FEZ1: variants seen among roughly 807,000 people sequenced by gnomAD.
The protein encoded by FEZ1 is fasciculation and elongation protein zeta 1.
FEZ1 carries 20 observed loss-of-function variants against 49.3 expected under a neutral mutation model. That is an observed-to-expected ratio of 0.41 (90% confidence interval 0.29 to 0.59). FEZ1 has a LOEUF of 0.59. FEZ1 is among the 20% of genes least tolerant of loss of function. The pLI is 0.36. For synonymous variants in FEZ1, 170 were observed against 180.9 expected, an observed-to-expected ratio of 0.94 and a Z score of 0.48; for missense variants, 413 against 476.0, an observed-to-expected ratio of 0.87 and a Z score of 1.23.
At chr11:125,476,738 C>T (rs998640911) in intron 3 of FEZ1, among the ~76,000 whole-genome samples, 2 of 152,146 alleles carry the variant, frequency 1.3e-5, no homozygotes, top group African/African-American at 4.8e-5. Flanking sequence ...GGTTTCTCAA[C>T]ACGACCTAAT....
In FEZ1 at chr11:125,495,771, C is replaced by T. The variant is rs1957459444; in HGVS notation, c.-46+350G>A. 5.6e-6 allele frequency: 2 copies of T among 355,724 alleles called. No homozygotes were observed. Among genetic ancestry groups the T allele is most frequent in the Admixed American group, 3.8e-5 (1 of 26,386 alleles). 22.0% of individuals were successfully genotyped at this position (355,724 alleles called of 1,614,324 possible). A position where few individuals can be genotyped will look rare whatever the true frequency, so the allele number is the denominator to read the frequency against. Reference sequence around the variant, plus strand: ...TACCTCGCCGCCCTGCCTTCACACGCGCGCACACACGCGGGCACACACACG... The same window carrying T: ...TACCTCGCCGCCCTGCCTTCACACGTGCGCACACACGCGGGCACACACACG... On this transcript the variant is annotated intron_variant, in intron 1 of 9. Coordinates refer to ENST00000278919, the MANE Select transcript of FEZ1 (RefSeq NM_005103.5). The surrounding 1 kb of genome is among the most constrained non-coding windows in gnomAD (Gnocchi z 4.2).
At chr11:125,481,861 TGAGGGAAGAGG>T in intron 2 of FEZ1, 2 of 534,670 alleles carry the variant, frequency 3.7e-6, no homozygotes, top group Non-Finnish European at 6.7e-6. Context: ...GGTGTTTGCT[TGAGGGAAGAGG>T]AATTTCCTAC....
At chr11:125,473,213 A>G (rs1957198682) in intron 3 of FEZ1, among the ~76,000 whole-genome samples, 1 of 152,262 alleles carries the variant, frequency 6.6e-6, no homozygotes, top group African/African-American at 2.4e-5. Context: ...TATCATTGAA[A>G]CAGAAAAAAG....
intron 1 of FEZ1, among the ~76,000 whole-genome samples, chr11:125,490,686 G>C (rs1346887593): frequency 2.6e-5 from 4 of 151,962 alleles, no homozygotes; most frequent in Non-Finnish European, 1.5e-5. Flanking sequence ...ACATAGTAAG[G>C]TCCCATCTCT....
intron 9 of FEZ1, among the ~76,000 whole-genome samples, chr11:125,447,106 T>C (rs1956905878): frequency 6.6e-6 from 1 of 152,088 alleles, no homozygotes; most frequent in South Asian, 2.1e-4. Flanking sequence ...ACTATTAACA[T>C]CACAAAAGGA....
At chr11:125,465,947 G>A (rs1293124525) in intron 3 of FEZ1, among the ~76,000 whole-genome samples, 1 of 152,156 alleles carries the variant, frequency 6.6e-6, no homozygotes, top group Non-Finnish European at 1.5e-5. Context: ...TCCTTGACCA[G>A]GACAGTATCT....
chr11:125,481,536 C>T lies in FEZ1; in HGVS notation c.409G>A (p.Glu137Lys). 1 of 1,598,776 alleles carries T rather than the reference C, an allele frequency of 6.3e-7. No homozygotes were observed. The highest frequency in any genetic ancestry group is 1.1e-5 in the South Asian group (1 of 90,804). The part of the protein sequence containing the change: ...EALNGNCSDT[E>K]IHEKEEEEFN... ...AACCAGGGGCCCCGGAGAGGTACCTCAGTGTCAGAGCAGTTGCCATTCAGA... is the reference window on the plus strand; with the variant it reads ...AACCAGGGGCCCCGGAGAGGTACCTTAGTGTCAGAGCAGTTGCCATTCAGA... The change falls in exon 3 of 10, where the codon GAG (glutamate) becomes AAG (lysine). Residue 137 changes from glutamate (E) to lysine (K), a missense_variant and splice_region_variant. Physicochemically the swap from Glu to Lys is moderately conservative, Grantham distance 56. Transcript: ENST00000278919.
chr11:125,450,179 C>T (rs1956941737), intron 8 of FEZ1, among the ~76,000 whole-genome samples: 1 of 152,084 alleles, frequency 6.6e-6, no homozygotes, highest in East Asian at 1.9e-4. Flanking sequence ...AGGCGTGCAC[C>T]ACCACATCTG....
chr11:125,491,051 G>C (rs1199478488), intron 1 of FEZ1, among the ~76,000 whole-genome samples: 1 of 152,168 alleles, frequency 6.6e-6, no homozygotes, highest in African/African-American at 2.4e-5. Context: ...ACCGTGCCCA[G>C]ACAAGCACCC....
At chr11:125,457,493 T>TATATATACAC in intron 5 of FEZ1, among the ~76,000 whole-genome samples, 1 of 24,968 alleles carries the variant, frequency 4.0e-5, no homozygotes, top group African/African-American at 1.5e-4. Flanking sequence ...CATATATGTG[T>TATATATACAC]ATATATGTAT....
intron 3 of FEZ1, among the ~76,000 whole-genome samples, chr11:125,472,594 C>A (rs1292348294): frequency 6.6e-6 from 1 of 151,900 alleles, no homozygotes; most frequent in Non-Finnish European, 1.5e-5. Context: ...ACAGAGAAAA[C>A]CCTAGGCCCA....
At chr11:125,448,716 C>T in intron 8 of FEZ1, 149 bp from the exon 9 acceptor site, 1 of 611,750 alleles carries the variant, frequency 1.6e-6, no homozygotes, top group Non-Finnish European at 2.9e-6. Context: ...CTAGAAGGCT[C>T]TATCAGGGGT....
chr11:125,449,439 A>AG (rs1956931132), intron 8 of FEZ1, among the ~76,000 whole-genome samples: 2 of 148,970 alleles, frequency 1.3e-5, no homozygotes, highest in African/African-American at 4.9e-5. Context: ...AAAAAAAAAA[A>AG]AAAAGAAGAA....
chr11:125,467,549 C>T (rs980862839), intron 3 of FEZ1, among the ~76,000 whole-genome samples: 4 of 152,320 alleles, frequency 2.6e-5, no homozygotes, highest in African/African-American at 9.6e-5. Flanking sequence ...TATTTAGTCA[C>T]CTGGAAAAGA....
chr11:125,489,471 C>G lies in FEZ1; in HGVS notation c.307G>C (p.Glu103Gln), dbSNP rs750078721. ...AGGGCAATTAAGACTTCTTACTCCT[C>G]GTCCTGAAGGGTCTCCTCCTCCTCT... Reference protein sequence around the residue: ...IQEEEETLQDEEVWDALTDNY... With the variant: ...IQEEEETLQDQEVWDALTDNY... The change falls in exon 2 of 10, where the codon GAG becomes CAG. Residue 103 changes from glutamate to glutamine, a missense_variant. Coordinates refer to ENST00000278919, the MANE Select transcript of FEZ1 (RefSeq NM_005103.5). This position sits in a 1 kb window ranked among gnomAD's most constrained non-coding sequence, Gnocchi z 4.2. 7.5e-6 allele frequency: 12 copies of G among 1,610,078 alleles called. No individual in the cohort carries two copies. Among genetic ancestry groups the G allele is most frequent in the South Asian group, 1.1e-5 (1 of 90,508 alleles).
Position 125,452,365 on chromosome 11 carries a change from G to A in FEZ1, c.1065C>T (p.Pro355=), listed in dbSNP as rs150797411. Residue 355 remains proline (P), a synonymous_variant, in exon 8 of 10, where the codon CCC becomes CCT. Coordinates refer to ENST00000278919, the MANE Select transcript of FEZ1 (RefSeq NM_005103.5). Reference sequence around the variant, plus strand: ...TCAGCATCTGCAGGTCTTCCACTGAGGGAGGAGAGGCTTTCTTCTCGTAAG... The same window carrying A: ...TCAGCATCTGCAGGTCTTCCACTGAAGGAGGAGAGGCTTTCTTCTCGTAAG... ...VIPYEKKASP[P]SVEDLQMLTN... is the part of the protein sequence containing the mutation. The A allele has an allele frequency of 2.2e-4, 352 of 1,613,120 alleles. 1 individual carries two copies. The African/African-American group carries it at 4.3e-3, about 20-fold the overall frequency.
chr11:125,443,088 C>T lies in FEZ1; in HGVS notation c.*3007G>A, dbSNP rs1256727200. 1.3e-5 allele frequency among the ~76,000 whole-genome samples: 2 copies of T among 152,068 alleles called. No individual in the cohort carries two copies. The highest frequency in any genetic ancestry group is 2.9e-5 in the Non-Finnish European group (2 of 68,020). ...TGACCAGACTAGGCCTAGCAAAATC[C>T]TTTAATTGATGGAAACATACCTCAT... On this transcript the variant is annotated 3_prime_UTR_variant, in exon 10 of 10. Transcript: ENST00000278919.
intron 9 of FEZ1, among the ~76,000 whole-genome samples, chr11:125,447,821 CAA>C (rs538049568): frequency 1.9e-4 from 14 of 73,448 alleles, no homozygotes; most frequent in East Asian, 4.1e-4. Flanking sequence ...GATTCCATCT[CAA>C]AAAAAAAAAA....
chr11:125,452,245 G>T, intron 8 of FEZ1, 89 bp downstream of exon 8: 1 of 877,418 alleles, frequency 1.1e-6, no homozygotes, highest in Non-Finnish European at 1.9e-6. Context: ...GCTTTGAGGA[G>T]TCTCGGGCCT....
Sources: gnomAD v4.1 joint callset for allele counts (sites outside exome capture counted in the v4.1 genomes callset) on GRCh38, gnomAD v4.1.1 for gene constraint, Gnocchi (gnomAD v3.1) non-coding constraint, MANE v1.5 for transcripts, NCBI Gene and HGNC (gene_info 2026-07-23, HGNC 2026-07-21) for gene names.